The following ZNF407 variants were observed in gnomAD, a reference collection of about 807,000 sequenced individuals.
The protein encoded by ZNF407 is zinc finger protein 407.
Under a neutral mutation model 131.2 loss-of-function variants are expected in ZNF407, and 17 were observed. The observed-to-expected ratio is 0.13, with a 90% CI of 0.09 to 0.19. The LOEUF (loss-of-function observed/expected upper bound fraction) is 0.19, where lower values mean the gene tolerates loss of function less well. ZNF407 is among the 10% of genes least tolerant of loss of function. ZNF407 has a pLI of 1.00. For synonymous variants in ZNF407, 1,156 were observed against 1,062.0 expected (o/e 1.09, Z -1.72); for missense variants, 2,681 against 2,830.6 (o/e 0.95, Z 1.20).
chr18:74,834,464 GTC>G (rs1970528334), intron 4 of ZNF407, among the ~76,000 whole-genome samples: 1 of 152,230 alleles, frequency 6.6e-6, no homozygotes, highest in Admixed American at 6.5e-5. Context: ...ATCTTTGAGA[GTC>G]TCTGTCAGAG....
At chr18:74,731,620 A>T (rs1968296330) in intron 3 of ZNF407, among the ~76,000 whole-genome samples, 1 of 152,340 alleles carries the variant, frequency 6.6e-6, no homozygotes, top group East Asian at 1.9e-4. Context: ...AGATGAGTGT[A>T]GTAAGCACTG....
intron 4 of ZNF407, among the ~76,000 whole-genome samples, chr18:74,865,151 G>A (rs956364484): frequency 8.2e-4 from 125 of 152,288 alleles, no homozygotes; most frequent in African/African-American, 2.6e-3. Context: ...CTTGGCCAAC[G>A]CTCAGAGCTG....
At chr18:74,914,547 C>T (rs747489977) in intron 7 of ZNF407, among the ~76,000 whole-genome samples, 1 of 152,290 alleles carries the variant, frequency 6.6e-6, no homozygotes, top group Admixed American at 6.5e-5. Context: ...TGTGCGCTTA[C>T]CTTCTCTAAA....
intron 8 of ZNF407, among the ~76,000 whole-genome samples, chr18:74,978,230 T>C (rs527361514): frequency 3.9e-5 from 6 of 152,210 alleles, no homozygotes; most frequent in Admixed American, 1.3e-4. Flanking sequence ...ATAGCATTCC[T>C]TGCGTGGGGG....
Position 74,672,965 on chromosome 18 carries a change from T to C in ZNF407, c.4802+31843T>C, listed in dbSNP as rs149151002. ...TGGATTCTTACCTTCTTTCCTAATA[T>C]GTGTTACTGACTTTTTTTGTGTGGC... On this transcript the variant is annotated intron_variant, in intron 3 of 8. Transcript: ENST00000299687. Among the ~76,000 whole-genome samples, 15 of 152,310 alleles carry C rather than the reference T, an allele frequency of 9.8e-5. No homozygotes were observed. The East Asian group carries it at 2.7e-3, about 27-fold the overall frequency.
At chr18:74,785,118 C>T (rs1354437675) in intron 4 of ZNF407, among the ~76,000 whole-genome samples, 4 of 152,134 alleles carry the variant, frequency 2.6e-5, no homozygotes, top group Non-Finnish European at 2.9e-5. Flanking sequence ...AAAGTATAAG[C>T]GTTAAATAAT....
intron 3 of ZNF407, among the ~76,000 whole-genome samples, chr18:74,678,605 T>C (rs766444880): frequency 6.6e-5 from 10 of 152,202 alleles, no homozygotes; most frequent in Non-Finnish European, 1.2e-4. Context: ...ACATAATTTC[T>C]CACCTTTTTG....
At chr18:74,962,248 A>T (rs1027011890) in intron 8 of ZNF407, among the ~76,000 whole-genome samples, 4 of 152,194 alleles carry the variant, frequency 2.6e-5, no homozygotes, top group Non-Finnish European at 4.4e-5. Flanking sequence ...TGTATGAAAA[A>T]TTCCCTTTGG....
intron 4 of ZNF407, among the ~76,000 whole-genome samples, chr18:74,794,946 A>G (rs975302402): frequency 2.0e-5 from 3 of 152,210 alleles, no homozygotes; most frequent in African/African-American, 7.2e-5. Context: ...TGTATAAAAA[A>G]TAGATAAGTG....
At chr18:75,035,182 A>G (rs1440821249) in intron 8 of ZNF407, among the ~76,000 whole-genome samples, 3 of 152,226 alleles carry the variant, frequency 2.0e-5, no homozygotes, top group African/African-American at 7.2e-5. Context: ...TGTGTTTTGC[A>G]TCTTCCCATT....
intron 3 of ZNF407, among the ~76,000 whole-genome samples, chr18:74,739,139 G>A (rs2144914980): frequency 6.6e-6 from 1 of 151,462 alleles, no homozygotes; most frequent in African/African-American, 2.4e-5. Context: ...TAAAGATGTG[G>A]TATACATCTT....
chr18:74,610,270 A>G (rs61481498), intron 1 of ZNF407, among the ~76,000 whole-genome samples: 3,944 of 152,342 alleles, frequency 0.026, 150 homozygotes, highest in African/African-American at 0.084. Context: ...ACAGTATTCA[A>G]GTAGATGGAT....
intron 4 of ZNF407, among the ~76,000 whole-genome samples, chr18:74,860,766 T>C (rs1970926827): frequency 6.6e-6 from 1 of 152,112 alleles, no homozygotes; most frequent in African/African-American, 2.4e-5. Context: ...ATCTCAGTGT[T>C]ACGGTTTTTT....
intron 3 of ZNF407, among the ~76,000 whole-genome samples, chr18:74,672,847 A>G (rs532568876): frequency 2.0e-5 from 3 of 152,200 alleles, no homozygotes; most frequent in South Asian, 4.1e-4. Context: ...ATGAAAATAT[A>G]CAGACATTTA....
chr18:74,671,261 T>A (rs1316832298), intron 3 of ZNF407, among the ~76,000 whole-genome samples: 1 of 152,220 alleles, frequency 6.6e-6, no homozygotes, highest in Non-Finnish European at 1.5e-5. Context: ...TTGGTCTGTG[T>A]GTCAGAATTT....
At chr18:74,652,360 T>A (rs372661316) in intron 3 of ZNF407, among the ~76,000 whole-genome samples, 1 of 152,080 alleles carries the variant, frequency 6.6e-6, no homozygotes, top group African/African-American at 2.4e-5. Flanking sequence ...AGGGTTTTTA[T>A]TCATCGAGCA....
chr18:75,014,091 T>G (rs1973015516), intron 8 of ZNF407, among the ~76,000 whole-genome samples: 1 of 152,130 alleles, frequency 6.6e-6, no homozygotes, highest in Non-Finnish European at 1.5e-5. Context: ...TGGTCCCAGC[T>G]TATTGAGGAT....
At chr18:74,938,543 C>G (rs1347988074) in intron 8 of ZNF407, among the ~76,000 whole-genome samples, 1 of 152,116 alleles carries the variant, frequency 6.6e-6, no homozygotes, top group African/African-American at 2.4e-5. Flanking sequence ...TCCATTTACT[C>G]GTGTACCACT....
intron 8 of ZNF407, among the ~76,000 whole-genome samples, chr18:75,046,443 A>C (rs1186796366): frequency 6.6e-6 from 1 of 152,166 alleles, no homozygotes; most frequent in Non-Finnish European, 1.5e-5. Flanking sequence ...GTCACTGTGC[A>C]TCCCTCCACT....
Sources: gnomAD v4.1 joint callset for allele counts (sites outside exome capture counted in the v4.1 genomes callset) on GRCh38, gnomAD v4.1.1 for gene constraint, MANE v1.5 for transcripts, NCBI Gene and HGNC (gene_info 2026-07-23, HGNC 2026-07-21) for gene names.